ATP10D: variants seen among roughly 807,000 people sequenced by gnomAD.
ATP10D encodes phospholipid-transporting ATPase VD.
Under a neutral mutation model 144.8 loss-of-function variants are expected in ATP10D, and 89 were observed. The observed-to-expected ratio is 0.61, with a 90% CI of 0.52 to 0.73. The LOEUF (loss-of-function observed/expected upper bound fraction) is 0.73. ATP10D is among the 30% of genes least tolerant of loss of function. ATP10D has a pLI of 0.00. For missense variants in ATP10D, 1,603 were observed against 1,714.8 expected (o/e 0.93, Z 1.15); for synonymous variants, 571 against 615.1 (o/e 0.93, Z 1.06).
At chr4:47,561,802 C>CTCCCTAAAGTGATGCCT (rs1180324492) in intron 14 of ATP10D, among the ~76,000 whole-genome samples, 14 of 152,166 alleles carry the variant, frequency 9.2e-5, no homozygotes, top group African/African-American at 3.4e-4. Flanking sequence ...TTTTTTAAAG[C>CTCCCTAAAGTGATGCCT]TCCCTAAAGT....
chr4:47,505,793 T>A (rs1363384701), intron 1 of ATP10D, among the ~76,000 whole-genome samples: 1 of 151,882 alleles, frequency 6.6e-6, no homozygotes, highest in East Asian at 1.9e-4. Context: ...GGGGTGAGAT[T>A]CAGGAGATTC....
chr4:47,505,751 A>G (rs1055141130), intron 1 of ATP10D, among the ~76,000 whole-genome samples: 5 of 152,060 alleles, frequency 3.3e-5, no homozygotes, highest in Non-Finnish European at 7.4e-5. Context: ...CTCCAAAAGA[A>G]AAAGAAAAAA....
intron 22 of ATP10D, among the ~76,000 whole-genome samples, chr4:47,589,147 C>G (rs966196048): frequency 3.3e-5 from 5 of 152,118 alleles, no homozygotes; most frequent in African/African-American, 1.2e-4. Flanking sequence ...ATGTCAGAAG[C>G]CACCAGAAGC....
intron 18 of ATP10D, 130 bp from the exon 19 acceptor site, chr4:47,576,640 TGTG>T: frequency 1.3e-6 from 1 of 774,300 alleles, no homozygotes; most frequent in Non-Finnish European, 2.2e-6. Context: ...CAAGGTAAAT[TGTG>T]GTCCTATCTT....
chr4:47,550,262 C>T (rs1718667813), intron 10 of ATP10D, among the ~76,000 whole-genome samples: 1 of 152,056 alleles, frequency 6.6e-6, no homozygotes, highest in African/African-American at 2.4e-5. Context: ...CTGCTTCTCT[C>T]TGTTTTAAAA....
At chr4:47,579,801 A>C in intron 19 of ATP10D, among the ~76,000 whole-genome samples, 1 of 152,240 alleles carries the variant, frequency 6.6e-6, no homozygotes, top group Non-Finnish European at 1.5e-5. Flanking sequence ...GAGTGGAAGG[A>C]GTCAATTTGA....
intron 2 of ATP10D, among the ~76,000 whole-genome samples, chr4:47,515,181 G>A (rs4695242): frequency 0.25 from 38,574 of 151,692 alleles, 5,367 homozygotes; most frequent in Admixed American, 0.32. Context: ...GGCTAGTCTC[G>A]AACTCCTGAC....
chr4:47,535,903 C>T lies in ATP10D; in HGVS notation c.885C>T (p.Gly295=). 1.2e-6 allele frequency: 2 copies of T among 1,611,094 alleles called. No individual in the cohort carries two copies. Among genetic ancestry groups the T allele is most frequent in the Non-Finnish European group, 8.5e-7 (1 of 1,178,770 alleles). ...EAVVGIVVYA[G]HETKAMLNNS... is the part of the protein sequence containing the mutation. ...TATCATACTGCACATCCTTCATAGG[C>T]CATGAAACCAAAGCAATGCTGAACA... is the stretch of plus-strand genomic sequence containing the variant. Residue 295 remains glycine, a splice_region_variant and synonymous_variant, in exon 7 of 23, where the codon GGC becomes GGT. Transcript: ENST00000273859.
intron 3 of ATP10D, among the ~76,000 whole-genome samples, chr4:47,519,134 A>G (rs1451428709): frequency 2.0e-5 from 3 of 152,236 alleles, no homozygotes; most frequent in Non-Finnish European, 4.4e-5. Context: ...AAATACCAAA[A>G]AGAATAATTA....
At chr4:47,496,392 G>A (rs542456400) in intron 1 of ATP10D, among the ~76,000 whole-genome samples, 2 of 151,880 alleles carry the variant, frequency 1.3e-5, no homozygotes, top group Admixed American at 1.3e-4. Context: ...CCTGACCTCA[G>A]GTGATCTGCC....
At chr4:47,573,089 C>T (rs2109465226) in intron 18 of ATP10D, 92 bp downstream of exon 18, 2 of 1,448,898 alleles carry the variant, frequency 1.4e-6, no homozygotes, top group East Asian at 2.3e-5. Flanking sequence ...ATGCTAAGCT[C>T]ACTTTCCTTA....
At chr4:47,553,670 A>G (rs1192932952) in intron 10 of ATP10D, among the ~76,000 whole-genome samples, 2 of 152,258 alleles carry the variant, frequency 1.3e-5, no homozygotes, top group African/African-American at 4.8e-5. Context: ...CAAGACCTCC[A>G]GTTAGTATGC....
At chr4:47,518,028 CA>C (rs1716773484) in intron 3 of ATP10D, among the ~76,000 whole-genome samples, 2 of 152,022 alleles carry the variant, frequency 1.3e-5, no homozygotes, top group South Asian at 4.1e-4. Flanking sequence ...ATTTCTGGAA[CA>C]ATTATTATAA....
At chr4:47,546,927 A>G in intron 10 of ATP10D, 65 bp downstream of exon 10, 1 of 1,465,028 alleles carries the variant, frequency 6.8e-7, no homozygotes, top group South Asian at 1.2e-5. Context: ...ACAGCCTTGT[A>G]ATTATGATAG....
chr4:47,543,634 A>G (rs1373128739), intron 9 of ATP10D, among the ~76,000 whole-genome samples: 7 of 152,194 alleles, frequency 4.6e-5, no homozygotes, highest in East Asian at 3.8e-4. Context: ...GAGCTATAAT[A>G]TAGTGGGTAG....
chr4:47,572,549 C>T (rs1289891447), intron 17 of ATP10D, among the ~76,000 whole-genome samples: 1 of 151,288 alleles, frequency 6.6e-6, no homozygotes, highest in African/African-American at 2.4e-5. Context: ...AATGAAGGAC[C>T]TAAAGATCTT....
At chr4:47,541,629 T>G (rs75021309) in intron 9 of ATP10D, among the ~76,000 whole-genome samples, 5,038 of 152,282 alleles carry the variant, frequency 0.033, 268 homozygotes, top group African/African-American at 0.12. Context: ...TGATGGAGGA[T>G]TGATGATACA....
chr4:47,505,929 G>C (rs1016788213), intron 1 of ATP10D, among the ~76,000 whole-genome samples: 6 of 152,100 alleles, frequency 3.9e-5, no homozygotes, highest in Admixed American at 3.9e-4. Context: ...AATGCTAACT[G>C]AGCCCAAGAG....
At chr4:47,551,213 C>T (rs889122807) in intron 10 of ATP10D, among the ~76,000 whole-genome samples, 5 of 152,150 alleles carry the variant, frequency 3.3e-5, no homozygotes, top group South Asian at 2.1e-4. Context: ...GATTCTTAGT[C>T]GGCCTAGGAA....
Sources: allele counts gnomAD v4.1 joint callset (sites outside exome capture counted in the v4.1 genomes callset), GRCh38; gene constraint gnomAD v4.1.1; transcripts MANE v1.5; gene names NCBI Gene and HGNC (gene_info 2026-07-23, HGNC 2026-07-21).